GAB3: variants seen among roughly 807,000 people sequenced by gnomAD.
GAB3 encodes GRB2 associated binding protein 3.
Under a neutral mutation model 40.4 loss-of-function variants are expected in GAB3, and 12 were observed. The observed-to-expected ratio is 0.30, with a 90% CI of 0.19 to 0.48. The LOEUF is 0.48. Among genes scored for constraint, GAB3 ranks in the 20% least tolerant of loss-of-function variants. The pLI, the probability that GAB3 is intolerant of heterozygous loss-of-function variation, is 0.99. For synonymous variants in GAB3, 154 were observed against 176.7 expected, an observed-to-expected ratio of 0.87 and a Z score of 1.02; for missense variants, 381 against 461.9, an observed-to-expected ratio of 0.82 and a Z score of 1.61.
At chrX:154,735,806 T>TAA (rs2071357644) in intron 1 of GAB3, among the ~76,000 whole-genome samples, 1 of 112,130 alleles carries the variant, frequency 8.9e-6, no homozygotes, top group Non-Finnish European at 1.9e-5. Flanking sequence ...AGCCAAAGGC[T>TAA]AAAGTAAGGC....
At position 154,676,644 on chromosome X, in the gene GAB3, A is replaced by G. The variant is rs1557245649; in HGVS notation, c.*1534T>C. On this transcript the variant is annotated 3_prime_UTR_variant, in exon 10 of 10. Transcript: ENST00000424127. ...TCAAAATGACTTCTTGTATGGTCTG[A>G]AAAAAGAAGACTTTGGCATTCACTT... 2 of 112,423 alleles carry G rather than the reference A, an allele frequency of 1.8e-5. No homozygotes were observed. Among genetic ancestry groups the G allele is most frequent in the Non-Finnish European group, 3.8e-5 (2 of 53,254 alleles). 9.3% of individuals were successfully genotyped at this position (112,423 alleles called of 1,213,427 possible).
intron 4 of GAB3, among the ~76,000 whole-genome samples, chrX:154,708,775 A>G (rs1347294664): frequency 1.8e-5 from 2 of 112,088 alleles, no homozygotes; most frequent in African/African-American, 3.2e-5. Context: ...GTAAATTGGT[A>G]TAGCCATTAT....
chrX:154,720,625 T>TAAA (rs2071117339), intron 1 of GAB3, among the ~76,000 whole-genome samples: 1 of 33,850 alleles, frequency 3.0e-5, no homozygotes, highest in Non-Finnish European at 5.1e-5. Context: ...AGACTCCGTC[T>TAAA]CAAAAAAAAA....
intron 4 of GAB3, among the ~76,000 whole-genome samples, chrX:154,705,773 C>T (rs1423263627): frequency 9.0e-6 from 1 of 111,536 alleles, no homozygotes; most frequent in Non-Finnish European, 1.9e-5. Context: ...TAAAGATATC[C>T]AAATTGGAAA....
intron 1 of GAB3, among the ~76,000 whole-genome samples, chrX:154,742,246 T>C (rs2071452842): frequency 8.9e-6 from 1 of 112,078 alleles, no homozygotes. Flanking sequence ...GGAATGCCAT[T>C]AAAGCAGTGC....
intron 1 of GAB3, 36 bp from the exon 2 acceptor site, chrX:154,716,365 C>T: frequency 8.8e-7 from 1 of 1,142,313 alleles, no homozygotes; most frequent in South Asian, 2.0e-5. Context: ...GTTACTGGAC[C>T]AATTTCTCTT....
At position 154,678,163 on chromosome X, in the gene GAB3, A is replaced by C. The variant is rs782169188; in HGVS notation, c.*15T>G. The C allele has an allele frequency of 1.4e-5, 13 of 944,011 alleles. No homozygotes were observed. The East Asian group carries it at 3.5e-4, about 25-fold the overall frequency. 77.8% of individuals were successfully genotyped at this position (944,011 alleles called of 1,213,427 possible). ...CAAGCTTCCCTGTTTCACACATGGC[A>C]CAAGCCCGCACCTCTCATACTTTGG... On this transcript the variant is annotated 3_prime_UTR_variant, in exon 10 of 10. Transcript: ENST00000424127.
chrX:154,729,180 T>C (rs2071258047), intron 1 of GAB3, among the ~76,000 whole-genome samples: 1 of 111,802 alleles, frequency 8.9e-6, no homozygotes, highest in African/African-American at 3.3e-5. Context: ...AAAAAGACAC[T>C]CAATCCAAAG....
chrX:154,676,032 A>G lies in GAB3; in HGVS notation c.*2146T>C, dbSNP rs2070291456. ...ACCCCTATCGCCTTCCATACCTTTA[A>G]TGTAGAGAGTGCCTATTCAGAGCAT... On this transcript the variant is annotated 3_prime_UTR_variant, in exon 10 of 10. Transcript: ENST00000424127. 1 of 111,979 alleles carries G rather than the reference A, an allele frequency of 8.9e-6. No homozygotes were observed. Among genetic ancestry groups the G allele is most frequent in the African/African-American group, 3.2e-5 (1 of 30,780 alleles). The allele number at this position is 111,979 out of a possible 1,213,427, so 9.2% of individuals were successfully genotyped here.
At chrX:154,709,424 G>A (rs1342001647) in intron 4 of GAB3, among the ~76,000 whole-genome samples, 5 of 107,716 alleles carry the variant, frequency 4.6e-5, no homozygotes, top group South Asian at 8.6e-4. Flanking sequence ...AGGTTCAAGC[G>A]ATTCTCCTGC....
chrX:154,734,758 G>A (rs1433343960), intron 1 of GAB3, among the ~76,000 whole-genome samples: 1 of 112,032 alleles, frequency 8.9e-6, no homozygotes, highest in East Asian at 2.8e-4. Context: ...CCACTCTAAC[G>A]CTTGCCCTTA....
upstream of GAB3, chrX:154,751,361 G>A (rs1173028761): frequency 2.2e-5 from 4 of 177,984 alleles, 1 homozygote; most frequent in South Asian, 5.5e-4. Context: ...GAAAGCGCTC[G>A]GAAGGAGCCC....
intron 4 of GAB3, among the ~76,000 whole-genome samples, chrX:154,700,656 A>C (rs1557252069): frequency 8.9e-6 from 1 of 112,038 alleles, no homozygotes; most frequent in Non-Finnish European, 1.9e-5. Context: ...CAAAGAACTA[A>C]GAGATAAGTC....
intron 1 of GAB3, 126 bp from the exon 2 acceptor site, chrX:154,716,455 C>T (rs1018775185): frequency 5.0e-6 from 3 of 601,733 alleles, no homozygotes; most frequent in African/African-American, 4.5e-5. Flanking sequence ...AATGATGAAA[C>T]GCTTTGTATT....
At chrX:154,690,208 A>T (rs2148421058) in intron 8 of GAB3, among the ~76,000 whole-genome samples, 1 of 110,238 alleles carries the variant, frequency 9.1e-6, no homozygotes, top group East Asian at 2.9e-4. Context: ...AAAACTGGCT[A>T]GCCATATGTA....
chrX:154,708,017 A>G (rs2070839921), intron 4 of GAB3, among the ~76,000 whole-genome samples: 1 of 112,202 alleles, frequency 8.9e-6, no homozygotes, highest in Admixed American at 9.4e-5. Flanking sequence ...TACTGGCATA[A>G]AAACAGATAC....
intron 4 of GAB3, among the ~76,000 whole-genome samples, chrX:154,705,772 C>A (rs1305547281): frequency 5.4e-5 from 6 of 111,406 alleles, no homozygotes. Context: ...ATAAAGATAT[C>A]CAAATTGGAA....
At chrX:154,719,022 G>C (rs2071088558) in intron 1 of GAB3, among the ~76,000 whole-genome samples, 1 of 111,824 alleles carries the variant, frequency 8.9e-6, no homozygotes, top group Non-Finnish European at 1.9e-5. Context: ...AAGGGGATTA[G>C]AGCTGGTCCC....
chrX:154,719,084 T>C (rs1164259780), intron 1 of GAB3, among the ~76,000 whole-genome samples: 7 of 111,506 alleles, frequency 6.3e-5, no homozygotes, highest in African/African-American at 2.3e-4. Flanking sequence ...AATTATGATA[T>C]GGGTAGATTT....
Sources: allele counts gnomAD v4.1 joint callset (sites outside exome capture counted in the v4.1 genomes callset), GRCh38; gene constraint gnomAD v4.1.1; transcripts MANE v1.5; gene names NCBI Gene and HGNC (gene_info 2026-07-23, HGNC 2026-07-21).